The following PDE2A variants were observed in gnomAD, a reference collection of about 807,000 sequenced individuals.
The protein encoded by PDE2A is phosphodiesterase 2A.
PDE2A carries 53 observed loss-of-function variants against 133.6 expected under a neutral mutation model. The observed-to-expected ratio is 0.40, with a 90% CI of 0.32 to 0.50. The LOEUF is 0.50. Among genes scored for constraint, PDE2A ranks in the 20% least tolerant of loss-of-function variants. The pLI is 0.73. For missense variants in PDE2A, 796 were observed against 1,232.4 expected (o/e 0.65, Z 5.30); for synonymous variants, 491 against 490.2 (o/e 1.00, Z -0.02).
At chr11:72,624,179 A>C (rs1857929924) in intron 2 of PDE2A, among the ~76,000 whole-genome samples, 1 of 151,916 alleles carries the variant, frequency 6.6e-6, no homozygotes, top group Non-Finnish European at 1.5e-5. Flanking sequence ...TTTAGTAGAG[A>C]TGGGGTTTCA....
At chr11:72,591,042 C>A in intron 7 of PDE2A, 1 of 477,322 alleles carries the variant, frequency 2.1e-6, no homozygotes, top group South Asian at 3.3e-5. Context: ...AGTTGGCAAC[C>A]GTGTGTATTT....
At position 72,578,451 on chromosome 11, in the gene PDE2A, C is replaced by T; in HGVS notation, c.2508+25G>A. The T allele has an allele frequency of 1.2e-6, 2 of 1,608,950 alleles. No homozygotes were observed. The highest frequency in any genetic ancestry group is 1.7e-6 in the Non-Finnish European group (2 of 1,175,262). On this transcript the variant is annotated intron_variant, in intron 29 of 30. Transcript: ENST00000334456. The surrounding 1 kb of genome is among the most constrained non-coding windows in gnomAD (Gnocchi z 4.2). ...GCCAGGAACCCTCCCCCATCCTGGA[C>T]ATCCTGGGGTCACTCCACACATACC...
chr11:72,584,696 G>A lies in PDE2A; in HGVS notation c.1392C>T (p.Gly464=). The A allele has an allele frequency of 1.2e-6, 2 of 1,613,400 alleles. No individual in the cohort carries two copies. The highest frequency in any genetic ancestry group is 3.3e-5 in the Admixed American group (2 of 60,030). The change falls in exon 18 of 31, where the codon GGC becomes GGT. Residue 464 remains glycine, a synonymous_variant. Coordinates refer to ENST00000334456, the MANE Select transcript of PDE2A (RefSeq NM_002599.5). ...SYEIRIPADQ[G]IAGHVATTGQ... is the part of the protein sequence containing the mutation. ...CCGTGGTCGCCACGTGTCCCGCGAT[G>A]CCCTGATCGGCCGGGATGCGGATCT...
At chr11:72,645,637 G>T (rs1314555905) in intron 1 of PDE2A, among the ~76,000 whole-genome samples, 2 of 152,208 alleles carry the variant, frequency 1.3e-5, no homozygotes, top group Non-Finnish European at 2.9e-5. Context: ...GTTTGTGAAT[G>T]TCCCCCGGTG....
At position 72,649,650 on chromosome 11, in the gene PDE2A, C is replaced by G. The variant is rs906789578; in HGVS notation, c.72-7324G>C. Among the ~76,000 whole-genome samples, 5 of 152,202 alleles carry G rather than the reference C, an allele frequency of 3.3e-5. 1 individual carries two copies. Among genetic ancestry groups the G allele is most frequent in the African/African-American group, 7.2e-5 (3 of 41,454 alleles). On this transcript the variant is annotated intron_variant, in intron 1 of 30. Transcript: ENST00000334456. ...TGCTTCCTCTGCCCCATCTGAACCC[C>G]TTTCTGGAGTCACTCTAGCCATTCA...
At chr11:72,610,295 T>A (rs2135366047) in intron 2 of PDE2A, among the ~76,000 whole-genome samples, 1 of 152,228 alleles carries the variant, frequency 6.6e-6, no homozygotes, top group Middle Eastern at 3.4e-3. Context: ...AGGACCTTCT[T>A]CCAGGTAGGG....
Position 72,590,716 on chromosome 11 carries a change from A to C in PDE2A, c.550-136T>G. The C allele has an allele frequency of 2.6e-6, 2 of 779,930 alleles. No homozygotes were observed. Among genetic ancestry groups the C allele is most frequent in the Non-Finnish European group, 3.7e-6 (2 of 544,110 alleles). The allele number at this position is 779,930 out of a possible 1,614,324, so 48.3% of individuals were successfully genotyped here. ...ACCCCGCCGCCGTCCCAAACACCTC[A>C]TCCCTGGACTCTACCTTCCTGAGGG... On this transcript the variant is annotated intron_variant, in intron 7 of 30. Coordinates refer to ENST00000334456, the MANE Select transcript of PDE2A (RefSeq NM_002599.5). The surrounding 1 kb of genome is among the most constrained non-coding windows in gnomAD (Gnocchi z 4.8).
At chr11:72,649,023 A>C (rs1854647240) in intron 1 of PDE2A, among the ~76,000 whole-genome samples, 1 of 151,718 alleles carries the variant, frequency 6.6e-6, no homozygotes. Context: ...CCTCACCCCC[A>C]CCCATATGGC....
rs906751861 is a variant in PDE2A, at chr11:72,610,828, G to GCA, written c.145-2079_145-2078dup. On this transcript the variant is annotated intron_variant, in intron 2 of 30. Transcript: ENST00000334456. ...AGGCCTTCAGACACCATCCATGTGCGCACACACACACACGTTCTCACTGGT... is the reference window on the plus strand; with the variant it reads ...AGGCCTTCAGACACCATCCATGTGCGCACACACACACACACGTTCTCACTGGT... Among the ~76,000 whole-genome samples, 218 of 151,996 alleles carry GCA rather than the reference G, an allele frequency of 1.4e-3. 2 individuals carry two copies. The highest frequency in any genetic ancestry group is 3.4e-3 in the African/African-American group (142 of 41,462).
chr11:72,664,527 C>A (rs571910302), intron 1 of PDE2A, among the ~76,000 whole-genome samples: 3 of 151,082 alleles, frequency 2.0e-5, no homozygotes, highest in East Asian at 4.0e-4. Context: ...GCGCCCCCCA[C>A]CACGCCCGGT....
At chr11:72,674,116 C>A in intron 1 of PDE2A, 21 bp downstream of exon 1, 1 of 1,610,992 alleles carries the variant, frequency 6.2e-7, no homozygotes, top group Non-Finnish European at 8.5e-7. Context: ...GCTCACCACC[C>A]CAGCCCCTCA....
chr11:72,630,473 C>T (rs943761108), intron 2 of PDE2A, among the ~76,000 whole-genome samples: 4 of 149,652 alleles, frequency 2.7e-5, no homozygotes, highest in South Asian at 2.1e-4. Flanking sequence ...AGCTGATCCC[C>T]GAAGGATTTA....
intron 4 of PDE2A, among the ~76,000 whole-genome samples, chr11:72,604,741 C>T (rs201493987): frequency 6.6e-6 from 1 of 152,152 alleles, no homozygotes; most frequent in East Asian, 1.9e-4. Flanking sequence ...AAGGAGTTGG[C>T]ACTGTGAGCT....
At chr11:72,634,911 C>T (rs1858604534) in intron 2 of PDE2A, among the ~76,000 whole-genome samples, 1 of 152,248 alleles carries the variant, frequency 6.6e-6, no homozygotes, top group Non-Finnish European at 1.5e-5. Context: ...GGACGCGGGG[C>T]CCTCGAAGGC....
Position 72,578,143 on chromosome 11 carries a change from C to A in PDE2A, c.2615+90G>T. On this transcript the variant is annotated intron_variant, in intron 30 of 30. Transcript: ENST00000334456. This position sits in a 1 kb window ranked among gnomAD's most constrained non-coding sequence, Gnocchi z 4.2. Reference sequence around the variant, plus strand: ...ATGAATCAGTTGGACCTGGGCCAGGCCAATCTCAGCACCTGTGTTTCCTGT... The same window carrying A: ...ATGAATCAGTTGGACCTGGGCCAGGACAATCTCAGCACCTGTGTTTCCTGT... 2 of 852,460 alleles carry A rather than the reference C, an allele frequency of 2.3e-6. No individual in the cohort carries two copies. Among genetic ancestry groups the A allele is most frequent in the African/African-American group, 1.6e-5 (1 of 61,432 alleles). 52.8% of individuals were successfully genotyped at this position (852,460 alleles called of 1,614,324 possible). A position where few individuals can be genotyped will look rare whatever the true frequency, so the allele number is the denominator to read the frequency against.
chr11:72,581,805 G>T, intron 22 of PDE2A, 72 bp downstream of exon 22: 1 of 1,376,940 alleles, frequency 7.3e-7, no homozygotes, highest in Non-Finnish European at 1.0e-6. Context: ...TCTCCAGAAT[G>T]CCGGGGGCAA....
In PDE2A at chr11:72,579,697, G is replaced by C. The variant is rs532687497; in HGVS notation, c.2182-89C>G. ...AGAGAGGAAGCAGGGGCCTCGTCCA[G>C]CTCCAGCCCCCAGGTCAGCAGAGCA... On this transcript the variant is annotated intron_variant, in intron 25 of 30. Transcript: ENST00000334456. 9.0e-6 allele frequency: 8 copies of C among 885,066 alleles called. No individual in the cohort carries two copies. In the Admixed American group the frequency reaches 1.5e-4, roughly 17 times the overall value. 54.8% of individuals were successfully genotyped at this position (885,066 alleles called of 1,614,324 possible).
In PDE2A at chr11:72,580,559, G is replaced by T; in HGVS notation, c.2181+18C>A. ...CCTTAAAGGGGAAGAAGGACGGGGT[G>T]GGACAGAAGAGTGATACCTCCATGA... On this transcript the variant is annotated intron_variant, in intron 25 of 30. Transcript: ENST00000334456. 1 of 1,553,434 alleles carries T rather than the reference G, an allele frequency of 6.4e-7. No homozygotes were observed. The highest frequency in any genetic ancestry group is 8.7e-7 in the Non-Finnish European group (1 of 1,143,114).
chr11:72,660,470 C>T (rs913743837), intron 1 of PDE2A, among the ~76,000 whole-genome samples: 1 of 152,220 alleles, frequency 6.6e-6, no homozygotes, highest in African/African-American at 2.4e-5. Context: ...CATCCTTGAT[C>T]TCATTAGCTT....
Sources: allele counts gnomAD v4.1 joint callset (sites outside exome capture counted in the v4.1 genomes callset), GRCh38; gene constraint gnomAD v4.1.1; non-coding constraint Gnocchi (gnomAD v3.1); transcripts MANE v1.5; gene names NCBI Gene and HGNC (gene_info 2026-07-23, HGNC 2026-07-21).